The following ABTB3 variants were observed in gnomAD, a reference collection of about 807,000 sequenced individuals.
ABTB3 encodes the protein ankyrin repeat- and BTB/POZ domain-containing protein 3.
chr12:107,649,081 TG>T, the ABTB3 span: 1 of 790,762 alleles, frequency 1.3e-6, no homozygotes, highest in Non-Finnish European at 2.1e-6. Flanking sequence ...GACATGGAAA[TG>T]GGCAACCATT....
chr12:107,584,500 G>T, the ABTB3 span, among the ~76,000 whole-genome samples: 1 of 152,232 alleles, frequency 6.6e-6, no homozygotes, highest in South Asian at 2.1e-4. Flanking sequence ...AGAAGTTGCT[G>T]GGTGGGCTTC....
the ABTB3 span, among the ~76,000 whole-genome samples, chr12:107,456,206 G>T: frequency 2.0e-5 from 3 of 152,170 alleles, no homozygotes; most frequent in Non-Finnish European, 2.9e-5. Flanking sequence ...CCATTTCACA[G>T]ATAAGGAAAC....
At chr12:107,655,580 G>C in the ABTB3 span, among the ~76,000 whole-genome samples, 1 of 152,208 alleles carries the variant, frequency 6.6e-6, no homozygotes, top group South Asian at 2.1e-4. Context: ...ACTTGCGTTT[G>C]TAACTCCAGG....
chr12:107,338,951 A>G, the ABTB3 span, among the ~76,000 whole-genome samples: 11 of 152,150 alleles, frequency 7.2e-5, no homozygotes, highest in African/African-American at 2.7e-4. Flanking sequence ...CTCAGCCTCC[A>G]GGGTAGCTGG....
chr12:107,525,324 C>CAAAAAAAAAAAAAAAAAAAAAAAAAAA, the ABTB3 span, among the ~76,000 whole-genome samples: 12 of 34,890 alleles, frequency 3.4e-4, no homozygotes, highest in East Asian at 1.5e-3. Context: ...AAGATCCTGT[C>CAAAAAAAAAAAAAAAAAAAAAAAAAAA]AAAAAAAAAA....
chr12:107,465,885 G>A, the ABTB3 span, among the ~76,000 whole-genome samples: 20 of 152,172 alleles, frequency 1.3e-4, no homozygotes, highest in South Asian at 6.2e-4. Flanking sequence ...AAATCTCTGC[G>A]TTCGTACTGC....
chr12:107,348,648 C>G, the ABTB3 span, among the ~76,000 whole-genome samples: 1 of 152,166 alleles, frequency 6.6e-6, no homozygotes, highest in African/African-American at 2.4e-5. Context: ...TTGCTTGAGA[C>G]TGGGAGGTTG....
At chr12:107,470,012 C>CTT in the ABTB3 span, among the ~76,000 whole-genome samples, 131 of 108,114 alleles carry the variant, frequency 1.2e-3, 1 homozygote, top group East Asian at 3.1e-3. Flanking sequence ...TTCTTTCTTT[C>CTT]TCTCTCTCTC....
At chr12:107,569,179 C>T in the ABTB3 span, among the ~76,000 whole-genome samples, 1 of 152,316 alleles carries the variant, frequency 6.6e-6, no homozygotes, top group South Asian at 2.1e-4. Context: ...GGCAAGGACA[C>T]CAAAGATGGC....
At chr12:107,396,210 T>C in the ABTB3 span, among the ~76,000 whole-genome samples, 1 of 152,240 alleles carries the variant, frequency 6.6e-6, no homozygotes, top group Non-Finnish European at 1.5e-5. Flanking sequence ...AATAATACTT[T>C]ACTCCCATGG....
chr12:107,319,532 C>G, the ABTB3 span: 53 of 1,557,736 alleles, frequency 3.4e-5, no homozygotes, highest in Non-Finnish European at 4.2e-5. Flanking sequence ...CGGCGGCGAC[C>G]GCCTGGGCCG....
chr12:107,544,172 T>G, the ABTB3 span: 1 of 1,601,716 alleles, frequency 6.2e-7, no homozygotes, highest in Non-Finnish European at 8.5e-7. Flanking sequence ...TTGTGGTGGG[T>G]GGGTACTGCC....
At chr12:107,649,249 T>C in the ABTB3 span, 2 of 1,613,810 alleles carry the variant, frequency 1.2e-6, no homozygotes, top group East Asian at 2.2e-5. Context: ...GAGTCACTGC[T>C]CATTAAAAAC....
At chr12:107,642,100 C>T in the ABTB3 span, 2 of 1,613,784 alleles carry the variant, frequency 1.2e-6, no homozygotes, top group African/African-American at 1.3e-5. Context: ...GTTCAAAGCA[C>T]TCCTCTCCAG....
At chr12:107,469,940 T>TTCTCTCTC in the ABTB3 span, among the ~76,000 whole-genome samples, 1 of 59,588 alleles carries the variant, frequency 1.7e-5, no homozygotes, top group Non-Finnish European at 3.2e-5. Flanking sequence ...CTCTCTTTCT[T>TTCTCTCTC]TCTCTTTCTT....
the ABTB3 span, among the ~76,000 whole-genome samples, chr12:107,565,955 A>G: frequency 2.0e-5 from 3 of 151,912 alleles, no homozygotes; most frequent in Non-Finnish European, 4.4e-5. Flanking sequence ...AGCCCTTTTG[A>G]TTTTCCTTTT....
chr12:107,555,652 G>A, the ABTB3 span, among the ~76,000 whole-genome samples: 1 of 152,222 alleles, frequency 6.6e-6, no homozygotes, highest in African/African-American at 2.4e-5. Flanking sequence ...CTAACCGTGT[G>A]TGGCTATTTA....
chr12:107,609,601 C>G, the ABTB3 span, among the ~76,000 whole-genome samples: 3 of 152,230 alleles, frequency 2.0e-5, no homozygotes, highest in Admixed American at 2.0e-4. Flanking sequence ...CTCTCAGGCC[C>G]TGGGATGGAG....
At chr12:107,526,503 T>C in the ABTB3 span, among the ~76,000 whole-genome samples, 22 of 152,304 alleles carry the variant, frequency 1.4e-4, no homozygotes, top group South Asian at 4.2e-3. Context: ...TTTGGTCCCA[T>C]CCAAGTCCAT....
Sources: allele counts gnomAD v4.1 joint callset (sites outside exome capture counted in the v4.1 genomes callset), GRCh38; gene constraint gnomAD v4.1.1; transcripts MANE v1.5; gene names NCBI Gene and HGNC (gene_info 2026-07-23, HGNC 2026-07-21).